The following KLHL1 variants were observed in gnomAD, a reference collection of about 807,000 sequenced individuals.
KLHL1 encodes the protein kelch like family member 1.
KLHL1 carries 47 observed loss-of-function variants against 77.7 expected under a neutral mutation model. The observed-to-expected ratio is 0.60, with a 90% CI of 0.48 to 0.77. The LOEUF is 0.77. Among genes scored for constraint, KLHL1 ranks in the 30% least tolerant of loss-of-function variants. KLHL1 has a pLI of 0.00. For missense variants in KLHL1, 925 were observed against 910.8 expected, an observed-to-expected ratio of 1.02 and a Z score of -0.20; for synonymous variants, 360 against 325.2, an observed-to-expected ratio of 1.11 and a Z score of -1.15.
At chr13:69,987,067 T>TA (rs1259728710) in intron 1 of KLHL1, among the ~76,000 whole-genome samples, 1 of 151,958 alleles carries the variant, frequency 6.6e-6, no homozygotes, top group Non-Finnish European at 1.5e-5. Flanking sequence ...GAAATTATCA[T>TA]AAAAAATTTA....
At chr13:70,086,364 C>A (rs530731261) in intron 1 of KLHL1, among the ~76,000 whole-genome samples, 2 of 151,612 alleles carry the variant, frequency 1.3e-5, no homozygotes, top group African/African-American at 4.8e-5. Flanking sequence ...GCTTGGATCA[C>A]CTGAAGTCAA....
At chr13:69,755,350 T>A (rs553467702) in intron 7 of KLHL1, among the ~76,000 whole-genome samples, 2 of 152,084 alleles carry the variant, frequency 1.3e-5, no homozygotes, top group East Asian at 4.0e-4. Context: ...GGTTTGTGGA[T>A]GCCAGCATCA....
chr13:69,822,930 A>G (rs1038200298), intron 6 of KLHL1, among the ~76,000 whole-genome samples: 4 of 152,198 alleles, frequency 2.6e-5, no homozygotes, highest in African/African-American at 4.8e-5. Context: ...AGTTTTTTCA[A>G]AAATATAACT....
chr13:69,745,975 T>G (rs754948373), intron 7 of KLHL1, among the ~76,000 whole-genome samples: 37 of 151,590 alleles, frequency 2.4e-4, no homozygotes, highest in Non-Finnish European at 5.3e-4. Context: ...TAGCTTCATT[T>G]TATTAAGATT....
chr13:70,093,615 G>GT (rs1276676527), intron 1 of KLHL1, among the ~76,000 whole-genome samples: 4 of 151,940 alleles, frequency 2.6e-5, no homozygotes, highest in African/African-American at 4.8e-5. Flanking sequence ...CACATAAATT[G>GT]TGTATAAGGG....
chr13:69,954,334 T>C (rs769789315), intron 3 of KLHL1, among the ~76,000 whole-genome samples: 3 of 151,288 alleles, frequency 2.0e-5, no homozygotes, highest in African/African-American at 4.8e-5. Flanking sequence ...TAAGAAAATA[T>C]AGTGAACCTT....
chr13:70,017,957 C>T (rs533485169), intron 1 of KLHL1, among the ~76,000 whole-genome samples: 31 of 151,988 alleles, frequency 2.0e-4, no homozygotes, highest in African/African-American at 4.3e-4. Context: ...GTTAAAGAAA[C>T]GTGAAAATAA....
chr13:70,046,539 G>A (rs2137385950), intron 1 of KLHL1, among the ~76,000 whole-genome samples: 2 of 152,300 alleles, frequency 1.3e-5, no homozygotes, highest in Middle Eastern at 6.8e-3. Context: ...CCAGGCTGGA[G>A]TGCAATGGCA....
chr13:70,030,071 C>A (rs909826128), intron 1 of KLHL1, among the ~76,000 whole-genome samples: 3 of 152,180 alleles, frequency 2.0e-5, no homozygotes, highest in Admixed American at 6.5e-5. Flanking sequence ...TCACCCAATA[C>A]AGGATCATAC....
intron 1 of KLHL1, among the ~76,000 whole-genome samples, chr13:70,093,338 CT>C (rs1887713566): frequency 6.6e-6 from 1 of 152,086 alleles, no homozygotes; most frequent in Non-Finnish European, 1.5e-5. Flanking sequence ...TGATACATAC[CT>C]TCAAAGACCA....
intron 7 of KLHL1, among the ~76,000 whole-genome samples, chr13:69,766,715 T>A (rs1005382566): frequency 2.0e-5 from 3 of 152,144 alleles, no homozygotes; most frequent in Admixed American, 2.0e-4. Context: ...TTTAGGCTAC[T>A]GACTGGAAAA....
At chr13:69,798,112 AACAG>A (rs1325374758) in intron 6 of KLHL1, among the ~76,000 whole-genome samples, 1 of 152,250 alleles carries the variant, frequency 6.6e-6, no homozygotes, top group Admixed American at 6.5e-5. Context: ...AATATAAGCT[AACAG>A]ACACTGATCT....
chr13:69,922,943 T>C (rs984202683), intron 4 of KLHL1, among the ~76,000 whole-genome samples: 1 of 152,192 alleles, frequency 6.6e-6, no homozygotes, highest in Non-Finnish European at 1.5e-5. Context: ...CAAAAGTGAA[T>C]AAATAATACA....
At chr13:69,923,381 T>C (rs1882707113) in intron 4 of KLHL1, among the ~76,000 whole-genome samples, 1 of 152,032 alleles carries the variant, frequency 6.6e-6, no homozygotes, top group African/African-American at 2.4e-5. Flanking sequence ...TCCGTTGGAG[T>C]TGCTTAGAGG....
At chr13:70,014,086 C>G (rs947843888) in intron 1 of KLHL1, among the ~76,000 whole-genome samples, 1 of 151,924 alleles carries the variant, frequency 6.6e-6, no homozygotes, top group African/African-American at 2.4e-5. Context: ...AAATTGAATA[C>G]TAACAAGAAA....
At chr13:69,963,673 A>G (rs867752121) in intron 2 of KLHL1, among the ~76,000 whole-genome samples, 10 of 152,258 alleles carry the variant, frequency 6.6e-5, no homozygotes, top group Middle Eastern at 3.4e-3. Context: ...ACCTTCATGG[A>G]TATTGTAAGA....
intron 7 of KLHL1, among the ~76,000 whole-genome samples, chr13:69,748,504 C>T (rs1179639620): frequency 6.6e-6 from 1 of 151,962 alleles, no homozygotes; most frequent in Non-Finnish European, 1.5e-5. Flanking sequence ...CCCCATGATT[C>T]AAATTATCTC....
intron 6 of KLHL1, among the ~76,000 whole-genome samples, chr13:69,813,481 T>C (rs111409150): frequency 0.031 from 4,606 of 146,312 alleles, 230 homozygotes; most frequent in African/African-American, 0.11. Flanking sequence ...TACACACACA[T>C]ACACACACAC....
At chr13:69,933,015 A>C (rs1333847335) in intron 4 of KLHL1, among the ~76,000 whole-genome samples, 1 of 151,990 alleles carries the variant, frequency 6.6e-6, no homozygotes, top group East Asian at 1.9e-4. Context: ...GAAGAAGAGA[A>C]ATTTCCTTTG....
Sources: gnomAD v4.1 joint callset for allele counts (sites outside exome capture counted in the v4.1 genomes callset) on GRCh38, gnomAD v4.1.1 for gene constraint, MANE v1.5 for transcripts, NCBI Gene and HGNC (gene_info 2026-07-23, HGNC 2026-07-21) for gene names.